The following SPATA13 variants were observed in gnomAD, a reference collection of about 807,000 sequenced individuals.
SPATA13 encodes the protein spermatogenesis-associated protein 13.
In SPATA13, 50 loss-of-function variants were observed where a neutral mutation model predicts 104.0. That is an observed-to-expected ratio of 0.48 (90% confidence interval 0.38 to 0.61). The LOEUF is 0.61. Ranked by LOEUF, SPATA13 falls within the 20% of genes least tolerant of loss-of-function variation. The pLI is 0.00. For missense variants in SPATA13, 1,524 were observed against 1,690.6 expected (o/e 0.90, Z 1.73); for synonymous variants, 606 against 667.5 (o/e 0.91, Z 1.42).
chr13:24,077,506 A>C (rs1415252702), intron 3 of SPATA13, among the ~76,000 whole-genome samples: 1 of 152,066 alleles, frequency 6.6e-6, no homozygotes, highest in Non-Finnish European at 1.5e-5. Flanking sequence ...AGGGAAGAAA[A>C]ATTTCCTATC....
chr13:24,160,912 C>G lies in SPATA13; in HGVS notation c.-132C>G. The G allele has an allele frequency of 1.0e-6, 1 of 985,628 alleles. No homozygotes were observed. The highest frequency in any genetic ancestry group is 4.7e-5 in the South Asian group (1 of 21,296). 61.1% of individuals were successfully genotyped at this position (985,628 alleles called of 1,614,324 possible). A position where few individuals can be genotyped will look rare whatever the true frequency, so the allele number is the denominator to read the frequency against. On this transcript the variant is annotated 5_prime_UTR_variant, in exon 1 of 13. Transcript: ENST00000382108. ...TTGGACACGCTGACTTTGTAGGCTCCGCCAAGAGGCGCCGCAGGAGGTAAG... is the reference window on the plus strand; with the variant it reads ...TTGGACACGCTGACTTTGTAGGCTCGGCCAAGAGGCGCCGCAGGAGGTAAG...
In SPATA13 at chr13:24,303,147, TTCC is replaced by T. The variant is rs1877329638; in HGVS notation, c.*376_*378del. The T allele has an allele frequency of 2.7e-6, 1 of 369,584 alleles. No individual in the cohort carries two copies. Among genetic ancestry groups the T allele is most frequent in the Non-Finnish European group, 5.3e-6 (1 of 188,342 alleles). The allele number at this position is 369,584 out of a possible 1,614,324, so 22.9% of individuals were successfully genotyped here. ...AAACACAGCATCCAGGGCTTTGCAG[TTCC>T]TAAGGAGTGATGAGGTTAGAGGATC... On this transcript the variant is annotated 3_prime_UTR_variant, in exon 13 of 13. Transcript: ENST00000382108.
chr13:24,101,938 C>T (rs933433275), intron 3 of SPATA13, among the ~76,000 whole-genome samples: 4 of 152,216 alleles, frequency 2.6e-5, no homozygotes, highest in Non-Finnish European at 5.9e-5. Context: ...TGCTGCAACA[C>T]ACATGGGTGG....
chr13:24,278,737 CAAAG>C (rs778028603), intron 4 of SPATA13: 14 of 1,588,278 alleles, frequency 8.8e-6, no homozygotes, highest in East Asian at 2.3e-5. Flanking sequence ...GGTGAAAAAA[CAAAG>C]AAAGAAACTT....
chr13:24,245,521 G>A (rs1404343650), intron 2 of SPATA13, among the ~76,000 whole-genome samples: 4 of 140,928 alleles, frequency 2.8e-5, no homozygotes, highest in African/African-American at 7.9e-5. Flanking sequence ...TAGAGGGAAT[G>A]TTTTCTCCTT....
intron 1 of SPATA13, among the ~76,000 whole-genome samples, chr13:24,165,553 C>G (rs1882694251): frequency 6.6e-6 from 1 of 152,190 alleles, no homozygotes; most frequent in Admixed American, 6.5e-5. Context: ...GCCCTCTTCT[C>G]CTCTCTCAGC....
intron 1 of SPATA13, among the ~76,000 whole-genome samples, chr13:24,191,175 G>A (rs889577431): frequency 1.3e-5 from 2 of 151,968 alleles, no homozygotes; most frequent in Non-Finnish European, 2.9e-5. Context: ...AGCATCTCTC[G>A]ATATTGCCTA....
chr13:23,993,672 AGT>A (rs1180493827), intron 2 of SPATA13, among the ~76,000 whole-genome samples: 1 of 152,178 alleles, frequency 6.6e-6, no homozygotes, highest in African/African-American at 2.4e-5. Flanking sequence ...GGCTAGGATA[AGT>A]GAGAATTTAC....
chr13:24,037,762 G>A (rs570090379), intron 3 of SPATA13, among the ~76,000 whole-genome samples: 9 of 152,010 alleles, frequency 5.9e-5, no homozygotes, highest in African/African-American at 2.2e-4. Context: ...ATTGATCGGA[G>A]TTTCTTAATC....
intron 3 of SPATA13, among the ~76,000 whole-genome samples, chr13:24,020,195 G>A (rs1409508413): frequency 2.6e-5 from 4 of 152,154 alleles, no homozygotes; most frequent in Non-Finnish European, 5.9e-5. Flanking sequence ...TGAGATCTGT[G>A]TGTTTTAATG....
chr13:24,014,736 A>G (rs1186673861), intron 2 of SPATA13, among the ~76,000 whole-genome samples: 1 of 152,196 alleles, frequency 6.6e-6, no homozygotes, highest in Non-Finnish European at 1.5e-5. Flanking sequence ...AACTGATGAG[A>G]GGAAACAAAT....
intron 3 of SPATA13, among the ~76,000 whole-genome samples, chr13:24,138,187 A>T (rs1300268691): frequency 4.0e-5 from 6 of 151,870 alleles, no homozygotes; most frequent in Non-Finnish European, 7.4e-5. Flanking sequence ...TGTGCCTGTA[A>T]TCCCAGCTAC....
At chr13:24,290,339 G>T (rs1399917579) in intron 8 of SPATA13, among the ~76,000 whole-genome samples, 1 of 152,178 alleles carries the variant, frequency 6.6e-6, no homozygotes, top group Non-Finnish European at 1.5e-5. Context: ...GACGTTAGAG[G>T]CCCTGCTCCC....
chr13:24,056,785 C>T (rs1280082158), intron 3 of SPATA13, among the ~76,000 whole-genome samples: 2 of 152,074 alleles, frequency 1.3e-5, no homozygotes, highest in Admixed American at 6.6e-5. Flanking sequence ...CGTTGCTGTG[C>T]GTGTCTGATA....
At chr13:24,059,330 C>G (rs1050236194) in intron 3 of SPATA13, among the ~76,000 whole-genome samples, 8 of 149,566 alleles carry the variant, frequency 5.3e-5, no homozygotes, top group Non-Finnish European at 3.0e-5. Context: ...TGGTGAATGT[C>G]ACAAAAAAAA....
chr13:24,202,812 C>T (rs962855906), intron 1 of SPATA13, among the ~76,000 whole-genome samples: 4 of 152,180 alleles, frequency 2.6e-5, no homozygotes, highest in South Asian at 4.1e-4. Flanking sequence ...CCTGGAATTA[C>T]GTTATGAACA....
rs369004047 is a variant in SPATA13 at position 24,019,129 on chromosome 13, C to T, written c.-112+1428C>T. The stretch of plus-strand genomic sequence containing the variant: ...TTTGAGACGGAGTCTCGCTCTGTCG[C>T]CCAGGCTGGAGTGCAGTGGCGGGAT... On this transcript the variant is annotated intron_variant, in intron 3 of 14. Transcript: ENST00000424834. 1.6e-4 allele frequency among the ~76,000 whole-genome samples: 23 copies of T among 146,736 alleles called. No individual in the cohort carries two copies. In the South Asian group the frequency reaches 4.5e-3, roughly 29 times the overall value.
intron 3 of SPATA13, among the ~76,000 whole-genome samples, chr13:24,060,478 C>G (rs1313658432): frequency 6.6e-6 from 1 of 152,202 alleles, no homozygotes; most frequent in Non-Finnish European, 1.5e-5. Context: ...GCTATCTAAA[C>G]CCTGAAAGAC....
chr13:24,062,810 A>G (rs1234127998), intron 3 of SPATA13, among the ~76,000 whole-genome samples: 1 of 152,164 alleles, frequency 6.6e-6, no homozygotes, highest in Non-Finnish European at 1.5e-5. Flanking sequence ...TTGAAGATTG[A>G]GAGAAGTATC....
Sources: allele counts gnomAD v4.1 joint callset (sites outside exome capture counted in the v4.1 genomes callset), GRCh38; gene constraint gnomAD v4.1.1; transcripts MANE v1.5; gene names NCBI Gene and HGNC (gene_info 2026-07-23, HGNC 2026-07-21).